The following SLC25A16 variants were observed in gnomAD, a reference collection of about 807,000 sequenced individuals.
SLC25A16 encodes the protein solute carrier family 25 member 16, also known as mitochondrial coenzyme A transporter SLC25A16.
Under a neutral mutation model 41.5 loss-of-function variants are expected in SLC25A16, and 39 were observed. The ratio of observed to expected loss-of-function variants is 0.94; its 90% confidence interval spans 0.73 to 1.23. The LOEUF is 1.23. Ranked by LOEUF, SLC25A16 falls within the 50% of genes most tolerant of loss-of-function variation. The pLI is 0.00. For missense variants in SLC25A16, 421 were observed against 426.9 expected (o/e 0.99, Z 0.12); for synonymous variants, 146 against 147.8 (o/e 0.99, Z 0.09).
intron 2 of SLC25A16, among the ~76,000 whole-genome samples, chr10:68,509,731 CTATA>C (rs1184144089): frequency 7.3e-6 from 1 of 136,926 alleles, no homozygotes; most frequent in African/African-American, 2.9e-5. Flanking sequence ...ATCTATCTAT[CTATA>C]TATATATCTA....
chr10:68,508,938 C>T (rs556695258), intron 2 of SLC25A16, among the ~76,000 whole-genome samples: 2 of 152,184 alleles, frequency 1.3e-5, no homozygotes, highest in South Asian at 2.1e-4. Context: ...TGTTGCAGGT[C>T]CACATATGTT....
Position 68,483,241 on chromosome 10 carries a change from T to C in SLC25A16, c.*191A>G, listed in dbSNP as rs954748065. On this transcript the variant is annotated 3_prime_UTR_variant, in exon 9 of 9. Transcript: ENST00000609923. ...TTTTCTTCAATGTTCTAAGGTATAA[T>C]GTTTGGCATCAAAAAGTATGGTAAG... 1.5e-4 allele frequency: 74 copies of C among 498,698 alleles called. No individual in the cohort carries two copies. The highest frequency in any genetic ancestry group is 1.2e-4 in the Non-Finnish European group (33 of 282,236). The allele number at this position is 498,698 out of a possible 1,614,324, so 30.9% of individuals were successfully genotyped here. A position where few individuals can be genotyped will look rare whatever the true frequency, so the allele number is the denominator to read the frequency against.
At chr10:68,511,881 G>A (rs2053069453) in intron 2 of SLC25A16, among the ~76,000 whole-genome samples, 1 of 151,518 alleles carries the variant, frequency 6.6e-6, no homozygotes, top group Admixed American at 6.6e-5. Context: ...TTTTAAGATG[G>A]GTTCTCACTC....
intron 5 of SLC25A16, 72 bp from the exon 6 acceptor site, chr10:68,493,270 C>T (rs117022109): frequency 5.1e-5 from 62 of 1,215,010 alleles, no homozygotes; most frequent in Non-Finnish European, 6.8e-5. Context: ...GAAAAAATCA[C>T]ACTTTATAAC....
At chr10:68,494,505 G>A (rs1380362178) in intron 4 of SLC25A16, among the ~76,000 whole-genome samples, 1 of 137,252 alleles carries the variant, frequency 7.3e-6, no homozygotes, top group Non-Finnish European at 1.6e-5. Flanking sequence ...GGAGGGAGGG[G>A]AGGAGAGACG....
At chr10:68,513,015 G>A (rs939658227) in intron 2 of SLC25A16, among the ~76,000 whole-genome samples, 1 of 152,062 alleles carries the variant, frequency 6.6e-6, no homozygotes, top group Admixed American at 6.6e-5. Context: ...CTCCAGCCTA[G>A]GCCACAAGAG....
intron 1 of SLC25A16, among the ~76,000 whole-genome samples, chr10:68,522,681 GAC>G (rs1011631452): frequency 6.6e-5 from 10 of 152,126 alleles, no homozygotes; most frequent in African/African-American, 2.4e-4. Context: ...CAGGTGTGGT[GAC>G]ACACGCCTAT....
intron 2 of SLC25A16, among the ~76,000 whole-genome samples, chr10:68,515,048 AT>A (rs539523643): frequency 3.2e-3 from 450 of 140,724 alleles, no homozygotes; most frequent in Middle Eastern, 3.6e-3. Flanking sequence ...TAAAGTCTTG[AT>A]TTTTTTTTTT....
intron 6 of SLC25A16, among the ~76,000 whole-genome samples, chr10:68,492,174 C>G (rs568818358): frequency 1.2e-4 from 18 of 152,226 alleles, no homozygotes; most frequent in Admixed American, 4.6e-4. Flanking sequence ...CTGAAGTTAA[C>G]TAGTGATTTT....
chr10:68,481,756 G>C lies in SLC25A16; in HGVS notation c.*1676C>G, dbSNP rs1246066257. 6.6e-6 allele frequency: 1 copy of C among 152,230 alleles called. No individual in the cohort carries two copies. The highest frequency in any genetic ancestry group is 1.5e-5 in the Non-Finnish European group (1 of 68,102). 9.4% of individuals were successfully genotyped at this position (152,230 alleles called of 1,614,324 possible). A position where few individuals can be genotyped will look rare whatever the true frequency, so the allele number is the denominator to read the frequency against. On this transcript the variant is annotated 3_prime_UTR_variant, in exon 9 of 9. Coordinates refer to ENST00000609923, the MANE Select transcript of SLC25A16 (RefSeq NM_152707.4). ...AGCCTCGCGAGTAACTGGGACTACA[G>C]GCACGAGCCACCACACCTGCTACTT...
intron 2 of SLC25A16, among the ~76,000 whole-genome samples, chr10:68,514,271 C>T (rs934211451): frequency 6.6e-6 from 1 of 152,042 alleles, no homozygotes; most frequent in Non-Finnish European, 1.5e-5. Context: ...CCGAGACGGG[C>T]AGATCACAAG....
intron 1 of SLC25A16, among the ~76,000 whole-genome samples, chr10:68,518,972 C>A (rs1257650535): frequency 6.6e-6 from 1 of 151,794 alleles, no homozygotes; most frequent in African/African-American, 2.4e-5. Flanking sequence ...GTGGGCGGAT[C>A]ACCTGAGGTC....
intron 4 of SLC25A16, chr10:68,499,774 C>T: frequency 2.4e-6 from 1 of 416,898 alleles, no homozygotes; most frequent in South Asian, 2.4e-5. Flanking sequence ...ATGTCATCTA[C>T]ACTGAATGAG....
At chr10:68,507,766 T>A (rs2052982849) in intron 2 of SLC25A16, among the ~76,000 whole-genome samples, 1 of 152,196 alleles carries the variant, frequency 6.6e-6, no homozygotes, top group Non-Finnish European at 1.5e-5. Flanking sequence ...CCCTTTCAAA[T>A]TTTTCAAGCA....
In SLC25A16 at chr10:68,481,844, T is replaced by G. The variant is rs1464125693; in HGVS notation, c.*1588A>C. 1 of 152,106 alleles carries G rather than the reference T, an allele frequency of 6.6e-6. No homozygotes were observed. Among genetic ancestry groups the G allele is most frequent in the East Asian group, 1.9e-4 (1 of 5,168 alleles). The allele number at this position is 152,106 out of a possible 1,614,324, so 9.4% of individuals were successfully genotyped here. A position where few individuals can be genotyped will look rare whatever the true frequency, so the allele number is the denominator to read the frequency against. On this transcript the variant is annotated 3_prime_UTR_variant, in exon 9 of 9. Coordinates refer to ENST00000609923, the MANE Select transcript of SLC25A16 (RefSeq NM_152707.4). Reference sequence around the variant, plus strand: ...ATCTTAAACTCCTGACTTCAGGTGATCCACCCAACTCGGCCTCCCAAAGTG... The same window carrying G: ...ATCTTAAACTCCTGACTTCAGGTGAGCCACCCAACTCGGCCTCCCAAAGTG...
chr10:68,503,513 A>T, intron 4 of SLC25A16, 119 bp downstream of exon 4: 1 of 562,382 alleles, frequency 1.8e-6, no homozygotes, highest in South Asian at 3.1e-5. Context: ...AAAAAATACA[A>T]GTCACAGGAC....
rs1479536586 is a variant in SLC25A16, at chr10:68,479,447, T to G, written c.*3985A>C. On this transcript the variant is annotated 3_prime_UTR_variant, in exon 9 of 9. Transcript: ENST00000609923. ...CAAGCCTCCCAAGGGAAGTCCTCCA[T>G]AATGCTGACACAAGGTCTGGCACAC... The G allele has an allele frequency of 6.6e-6, 1 of 152,194 alleles. No individual in the cohort carries two copies. The allele number at this position is 152,194 out of a possible 1,614,324, so 9.4% of individuals were successfully genotyped here.
At chr10:68,499,592 G>T in intron 4 of SLC25A16, 1 of 301,756 alleles carries the variant, frequency 3.3e-6, no homozygotes, top group Non-Finnish European at 6.6e-6. Context: ...GCGTTTCAAT[G>T]CAATATCCAA....
intron 8 of SLC25A16, among the ~76,000 whole-genome samples, chr10:68,485,826 C>T (rs192029066): frequency 4.2e-5 from 6 of 142,584 alleles, no homozygotes; most frequent in East Asian, 2.1e-4. Context: ...GAGATGGAGT[C>T]TCACTCTATC....
Sources: allele counts gnomAD v4.1 joint callset (sites outside exome capture counted in the v4.1 genomes callset), GRCh38; gene constraint gnomAD v4.1.1; transcripts MANE v1.5; gene names NCBI Gene and HGNC (gene_info 2026-07-23, HGNC 2026-07-21).